NCKAP1: variants seen among roughly 807,000 people sequenced by gnomAD.
The protein encoded by NCKAP1 is nck-associated protein 1.
In NCKAP1, 21 loss-of-function variants were observed where a neutral mutation model predicts 151.2. The ratio of observed to expected loss-of-function variants is 0.14; its 90% CI spans 0.10 to 0.20. The LOEUF is 0.20. NCKAP1 is among the 10% of genes least tolerant of loss of function. NCKAP1 has a pLI of 1.00. For synonymous variants in NCKAP1, 484 were observed against 451.8 expected, an observed-to-expected ratio of 1.07 and a Z score of -0.90; for missense variants, 933 against 1,352.1, an observed-to-expected ratio of 0.69 and a Z score of 4.86.
At chr2:182,981,836 G>C (rs1411814585) in intron 12 of NCKAP1, among the ~76,000 whole-genome samples, 1 of 148,642 alleles carries the variant, frequency 6.7e-6, no homozygotes, top group Non-Finnish European at 1.5e-5. Context: ...TTGAACCCAG[G>C]AGGTTGAGGT....
chr2:182,916,169 CA>C lies in NCKAP1; in HGVS notation c.*9532del, dbSNP rs760047982. The C allele has an allele frequency of 0.016, 1,443 of 87,876 alleles. 23 individuals carry two copies. Among genetic ancestry groups the C allele is most frequent in the African/African-American group, 0.061 (1,331 of 21,736 alleles). 5.4% of individuals were successfully genotyped at this position (87,876 alleles called of 1,614,324 possible). A position where few individuals can be genotyped will look rare whatever the true frequency, so the allele number is the denominator to read the frequency against. ...ACCTTGCTTCCCCTTCGCCTTCTGTCAAAAAAAAAAAAAAAAAAAAAACATG... is the reference window on the plus strand; with the variant it reads ...ACCTTGCTTCCCCTTCGCCTTCTGTCAAAAAAAAAAAAAAAAAAAAACATG... On this transcript the variant is annotated 3_prime_UTR_variant, in exon 31 of 31. Transcript: ENST00000361354.
At chr2:183,037,756 C>A (rs977910226) in intron 1 of NCKAP1, among the ~76,000 whole-genome samples, 1 of 152,098 alleles carries the variant, frequency 6.6e-6, no homozygotes. Context: ...ATCCCGCCGC[C>A]GGGAGCCGGG....
intron 6 of NCKAP1, among the ~76,000 whole-genome samples, chr2:182,999,497 A>G (rs1698338032): frequency 6.6e-6 from 1 of 152,214 alleles, no homozygotes; most frequent in African/African-American, 2.4e-5. Context: ...AGTCAAAAAA[A>G]TAACAGATGT....
chr2:182,968,159 T>C (rs1697613995), intron 15 of NCKAP1, among the ~76,000 whole-genome samples: 1 of 151,972 alleles, frequency 6.6e-6, no homozygotes, highest in African/African-American at 2.4e-5. Context: ...GCACTAAGGG[T>C]TCTATGTGGT....
chr2:183,027,149 T>C (rs1698913884), intron 1 of NCKAP1, among the ~76,000 whole-genome samples: 1 of 152,222 alleles, frequency 6.6e-6, no homozygotes, highest in South Asian at 2.1e-4. Context: ...TGTCCATGTT[T>C]AAAATCTTGG....
intron 6 of NCKAP1, among the ~76,000 whole-genome samples, chr2:183,001,681 C>G (rs1468961687): frequency 1.4e-4 from 21 of 152,102 alleles, no homozygotes; most frequent in Non-Finnish European, 1.5e-5. Context: ...AACAGACCCT[C>G]TCAAATACCA....
intron 18 of NCKAP1, among the ~76,000 whole-genome samples, chr2:182,961,868 A>C (rs1697461141): frequency 6.6e-6 from 1 of 152,242 alleles, no homozygotes; most frequent in Non-Finnish European, 1.5e-5. Flanking sequence ...AATATGCTTA[A>C]TTCCAGTTCT....
At position 182,922,412 on chromosome 2, in the gene NCKAP1, A is replaced by AAG. The variant is rs1696566485; in HGVS notation, c.*3289_*3290insCT. 2 of 152,250 alleles carry AAG rather than the reference A, an allele frequency of 1.3e-5. No individual in the cohort carries two copies. Among genetic ancestry groups the AAG allele is most frequent in the Non-Finnish European group, 2.9e-5 (2 of 68,062 alleles). 9.4% of individuals were successfully genotyped at this position (152,250 alleles called of 1,614,324 possible). ...TAAGCAAAGAAGAAAGCAAGCAAGCACATGATCAGAAGAGAAAAAGAGCTA... is the reference window on the plus strand; with the variant it reads ...TAAGCAAAGAAGAAAGCAAGCAAGCAAGCATGATCAGAAGAGAAAAAGAGCTA... On this transcript the variant is annotated 3_prime_UTR_variant, in exon 31 of 31. Coordinates refer to ENST00000361354, the MANE Select transcript of NCKAP1 (RefSeq NM_013436.5).
intron 23 of NCKAP1, 34 bp downstream of exon 23, chr2:182,952,371 G>A (rs749661707): frequency 3.6e-6 from 5 of 1,390,676 alleles, no homozygotes; most frequent in Non-Finnish European, 5.0e-6. Flanking sequence ...AGGAATTAAT[G>A]TTTAAAAGCT....
chr2:182,938,275 G>A (rs930673096), intron 24 of NCKAP1, among the ~76,000 whole-genome samples: 1 of 152,060 alleles, frequency 6.6e-6, no homozygotes, highest in African/African-American at 2.4e-5. Flanking sequence ...TTTTCCAATA[G>A]TATTGCAGAG....
intron 1 of NCKAP1, among the ~76,000 whole-genome samples, chr2:183,027,203 G>A (rs910175415): frequency 1.3e-5 from 2 of 152,140 alleles, no homozygotes; most frequent in Admixed American, 6.5e-5. Flanking sequence ...CATTCTATCT[G>A]TGCCTCAGTT....
At position 183,023,916 on chromosome 2, in the gene NCKAP1, C is replaced by A. The variant is rs1698841270; in HGVS notation, c.109G>T (p.Ala37Ser). Residue 37 changes from alanine to serine, a missense_variant and splice_region_variant, in exon 2 of 31, where the codon GCA (alanine) becomes TCA (serine). Physicochemically the swap from Ala to Ser is moderately conservative, Grantham distance 99 (BLOSUM62 1). Coordinates refer to ENST00000361354, the MANE Select transcript of NCKAP1 (RefSeq NM_013436.5). Reference sequence around the variant, plus strand: ...GGTTTTGCCTTGGGGTCTCCACATGCCTATAAAACAACAGTAATAAAAAAA... The same window carrying A: ...GGTTTTGCCTTGGGGTCTCCACATGACTATAAAACAACAGTAATAAAAAAA... Reference protein sequence around the residue: ...MLTRLYNIKKACGDPKAKPSY... With the variant: ...MLTRLYNIKKSCGDPKAKPSY... The A allele has an allele frequency of 1.3e-6, 2 of 1,585,978 alleles. No individual in the cohort carries two copies. Among genetic ancestry groups the A allele is most frequent in the Non-Finnish European group, 1.7e-6 (2 of 1,163,600 alleles).
intron 1 of NCKAP1, among the ~76,000 whole-genome samples, chr2:183,034,577 TTTC>T (rs950144533): frequency 6.6e-6 from 1 of 152,142 alleles, no homozygotes; most frequent in Admixed American, 6.5e-5. Flanking sequence ...AGCAAAATGT[TTTC>T]TTTGGGTATT....
intron 23 of NCKAP1, among the ~76,000 whole-genome samples, chr2:182,945,872 T>TA (rs1220408513): frequency 6.6e-6 from 1 of 152,190 alleles, no homozygotes; most frequent in Non-Finnish European, 1.5e-5. Context: ...ACTGAAGCAC[T>TA]ATTCACAACA....
intron 8 of NCKAP1, 78 bp downstream of exon 8, chr2:182,994,761 A>G: frequency 8.8e-7 from 1 of 1,139,204 alleles, no homozygotes; most frequent in Non-Finnish European, 1.3e-6. Context: ...GCACAGAGGT[A>G]GTAACCATGT....
At position 182,928,182 on chromosome 2, in the gene NCKAP1, T is replaced by C; in HGVS notation, c.3115A>G (p.Ile1039Val). Reference sequence around the variant, plus strand: ...TGAATTGTAAACAAAGCTGCAGCAATCTGGTTGATGGCTTTGGCCAAGCAA... The same window carrying C: ...TGAATTGTAAACAAAGCTGCAGCAACCTGGTTGATGGCTTTGGCCAAGCAA... ...IHCLAKAINQ[I>V]AAALFTIHKG... is the part of the protein sequence containing the mutation. Residue 1039 changes from isoleucine to valine, a missense_variant, in exon 29 of 31, where the codon ATT (isoleucine) becomes GTT (valine). By Grantham distance (29) the Ile-to-Val change is conservative. Around this residue, in one of 2 missense-constraint regions of NCKAP1, gnomAD observed 326 missense variants for 557.1 expected, o/e 0.59. Transcript: ENST00000361354. 6.2e-7 allele frequency: 1 copy of C among 1,613,076 alleles called. No homozygotes were observed. The highest frequency in any genetic ancestry group is 1.1e-5 in the South Asian group (1 of 90,974).
intron 2 of NCKAP1, among the ~76,000 whole-genome samples, chr2:183,013,432 T>C (rs1698626898): frequency 6.6e-6 from 1 of 152,074 alleles, no homozygotes; most frequent in South Asian, 2.1e-4. Flanking sequence ...AACCTTAAAG[T>C]CTTATTTCTC....
intron 18 of NCKAP1, 24 bp from the exon 19 acceptor site, chr2:182,957,620 C>A (rs768971801): frequency 1.2e-6 from 2 of 1,606,922 alleles, no homozygotes; most frequent in East Asian, 4.5e-5. Context: ...AGAATGAAAT[C>A]TTACATTACA....
At chr2:183,019,057 T>C (rs947419911) in intron 2 of NCKAP1, among the ~76,000 whole-genome samples, 1 of 152,228 alleles carries the variant, frequency 6.6e-6, no homozygotes, top group Non-Finnish European at 1.5e-5. Flanking sequence ...GAAAACATAA[T>C]TTTCAAATTA....
Sources: gnomAD v4.1 joint callset for allele counts (sites outside exome capture counted in the v4.1 genomes callset) on GRCh38, gnomAD v4.1.1 for gene constraint, gnomAD v4.1.1 regional missense constraint, MANE v1.5 for transcripts, NCBI Gene and HGNC (gene_info 2026-07-23, HGNC 2026-07-21) for gene names.